The following INTS2 variants were observed in gnomAD, a reference collection of about 807,000 sequenced individuals.
The protein encoded by INTS2 is KIAA1287.
INTS2 carries 57 observed loss-of-function variants against 139.6 expected under a neutral mutation model. The observed-to-expected ratio is 0.41, with a 90% CI of 0.33 to 0.51. The LOEUF (loss-of-function observed/expected upper bound fraction) is 0.51, where lower values mean the gene tolerates loss of function less well. Ranked by LOEUF, INTS2 falls within the 20% of genes least tolerant of loss-of-function variation. INTS2 has a pLI of 0.28. For synonymous variants in INTS2, 473 were observed against 493.4 expected, an observed-to-expected ratio of 0.96 and a Z score of 0.55; for missense variants, 1,196 against 1,436.7, an observed-to-expected ratio of 0.83 and a Z score of 2.71.
At chr17:61,879,576 CA>C (rs1379239724) in intron 17 of INTS2, among the ~76,000 whole-genome samples, 1 of 152,112 alleles carries the variant, frequency 6.6e-6, no homozygotes, top group Middle Eastern at 3.2e-3. Context: ...GCAGGCCAGG[CA>C]CGGTGGTTCA....
Position 61,874,998 on chromosome 17 carries a change from T to G in INTS2, c.2497A>C (p.Lys833Gln). Residue 833 changes from lysine to glutamine, a missense_variant, in exon 19 of 25, where the codon AAG (lysine) becomes CAG (glutamine). Around this residue, in one of 3 missense-constraint regions of INTS2, gnomAD observed 1,129 missense variants for 1,341.9 expected, o/e 0.84. Transcript: ENST00000251334. ...MTVNALQPSIKFVRQQKYTQN... is the reference protein window; with the variant it reads ...MTVNALQPSIQFVRQQKYTQN... ...GTATACTTTTGTTGTCGTACAAACT[T>G]TATTGAAGGCTGAAGTGCATTAACC... is the stretch of plus-strand genomic sequence containing the variant. 4 of 1,598,088 alleles carry G rather than the reference T, an allele frequency of 2.5e-6. No homozygotes were observed. The highest frequency in any genetic ancestry group is 3.4e-6 in the Non-Finnish European group (4 of 1,171,208).
At chr17:61,921,159 G>C (rs1022583472) in intron 4 of INTS2, 2 of 152,112 alleles carry the variant, frequency 1.3e-5, no homozygotes, top group African/African-American at 4.8e-5. Context: ...AAGGTACGAA[G>C]AAGAAAATTA....
At chr17:61,923,310 T>C (rs1175632889) in intron 3 of INTS2, among the ~76,000 whole-genome samples, 4 of 151,036 alleles carry the variant, frequency 2.6e-5, no homozygotes, top group African/African-American at 9.7e-5. Context: ...ACCCCGTCTC[T>C]ACTAAAAATA....
rs540147708 is a variant in INTS2 at position 61,905,754 on chromosome 17, A to G, written c.1182-1169T>C. ...CTCTTATTGCCCAGGCCGGACTGCA[A>G]TGGTGCAATCTTAGCTCACCGCAAC... On this transcript the variant is annotated intron_variant, in intron 8 of 24. Coordinates refer to ENST00000251334, the MANE Select transcript of INTS2 (RefSeq NM_001351695.2). Among the ~76,000 whole-genome samples, 7 of 152,028 alleles carry G rather than the reference A, an allele frequency of 4.6e-5. No individual in the cohort carries two copies. The South Asian group carries it at 1.5e-3, about 32-fold the overall frequency.
At chr17:61,886,653 G>A (rs1021551050) in intron 15 of INTS2, among the ~76,000 whole-genome samples, 1 of 152,172 alleles carries the variant, frequency 6.6e-6, no homozygotes, top group Non-Finnish European at 1.5e-5. Context: ...ATCTTTCTCT[G>A]TCTCATCTCT....
At position 61,925,108 on chromosome 17, in the gene INTS2, G is replaced by GTA; in HGVS notation, c.294-11_294-10dup. Reference sequence around the variant, plus strand: ...CTCCTCCAAGTTTATGCCTAATGAAGTACAAAACATGTAACAATTATGAAA... The same window carrying GTA: ...CTCCTCCAAGTTTATGCCTAATGAAGTATACAAAACATGTAACAATTATGAAA... On this transcript the variant is annotated splice_polypyrimidine_tract_variant and intron_variant, in intron 2 of 24. Transcript: ENST00000251334. The GTA allele has an allele frequency of 6.2e-7, 1 of 1,610,512 alleles. No homozygotes were observed. The highest frequency in any genetic ancestry group is 8.5e-7 in the Non-Finnish European group (1 of 1,177,366).
chr17:61,923,647 A>G (rs376846168), intron 3 of INTS2, among the ~76,000 whole-genome samples: 110 of 152,182 alleles, frequency 7.2e-4, no homozygotes, highest in African/African-American at 2.4e-3. Flanking sequence ...CAGTAAATAA[A>G]CATAAAGATC....
In INTS2 at chr17:61,891,504, C is replaced by T. The variant is rs748760035; in HGVS notation, c.1875+9G>A. The T allele has an allele frequency of 1.5e-5, 24 of 1,596,406 alleles. No individual in the cohort carries two copies. Among genetic ancestry groups the T allele is most frequent in the Non-Finnish European group, 2.1e-5 (24 of 1,168,806 alleles). ...TAAGTTAATAGATATAAAAGAACCA[C>T]TATTTTACCCCAATGACTCCTTGGA... On this transcript the variant is annotated intron_variant, in intron 14 of 24. Transcript: ENST00000251334.
chr17:61,878,912 G>A (rs2079149500), intron 17 of INTS2, among the ~76,000 whole-genome samples: 1 of 123,704 alleles, frequency 8.1e-6, no homozygotes, highest in South Asian at 2.7e-4. Flanking sequence ...CCTTGAGACT[G>A]GGCAACAGAC....
chr17:61,880,045 C>A (rs1220477474), intron 17 of INTS2, among the ~76,000 whole-genome samples: 2 of 151,876 alleles, frequency 1.3e-5, no homozygotes, highest in Non-Finnish European at 2.9e-5. Flanking sequence ...TATTCCACTG[C>A]ACATATTTCT....
At chr17:61,880,801 AG>A (rs1567892597) in intron 17 of INTS2, among the ~76,000 whole-genome samples, 1 of 122,118 alleles carries the variant, frequency 8.2e-6, no homozygotes, top group Non-Finnish European at 1.7e-5. Flanking sequence ...AAGGAGTAAA[AG>A]GGGAAAGGGG....
intron 15 of INTS2, among the ~76,000 whole-genome samples, chr17:61,888,838 C>T (rs935907410): frequency 1.3e-5 from 2 of 152,046 alleles, no homozygotes; most frequent in African/African-American, 4.8e-5. Flanking sequence ...TCCTGGCTAA[C>T]ATGGTGAAAC....
At chr17:61,921,588 T>A (rs2079641640) in intron 4 of INTS2, 137 bp downstream of exon 4, 2 of 440,308 alleles carry the variant, frequency 4.5e-6, no homozygotes, top group African/African-American at 2.0e-5. Context: ...CAACTATTAG[T>A]CACTTTTGAC....
At chr17:61,910,932 A>G (rs1456742997) in intron 7 of INTS2, 1 of 152,176 alleles carries the variant, frequency 6.6e-6, no homozygotes, top group Non-Finnish European at 1.5e-5. Context: ...CAGTTTCCAA[A>G]GGCTTCTACC....
rs576514574 is a variant in INTS2 at position 61,875,817 on chromosome 17, T to G, written c.2457-779A>C. On this transcript the variant is annotated intron_variant, in intron 18 of 24. Coordinates refer to ENST00000251334, the MANE Select transcript of INTS2 (RefSeq NM_001351695.2). This position sits in a 1 kb window ranked among gnomAD's most constrained non-coding sequence, Gnocchi z 4.6. ...CTAAAAGAATAAAGTATTTTATACA[T>G]GAAACAAGAACAAGAGGCATTTAAG... Among the ~76,000 whole-genome samples, 1 of 152,118 alleles carries G rather than the reference T, an allele frequency of 6.6e-6. No individual in the cohort carries two copies. The highest frequency in any genetic ancestry group is 2.1e-4 in the South Asian group (1 of 4,830).
chr17:61,879,406 C>T (rs749824568), intron 17 of INTS2, among the ~76,000 whole-genome samples: 11 of 152,052 alleles, frequency 7.2e-5, no homozygotes, highest in Non-Finnish European at 1.2e-4. Flanking sequence ...AACAACTAAC[C>T]ACATCTGGCT....
intron 8 of INTS2, among the ~76,000 whole-genome samples, chr17:61,906,963 CAAAAAAAAA>C (rs34773307): frequency 2.5e-5 from 2 of 80,206 alleles, no homozygotes; most frequent in African/African-American, 9.3e-5. Flanking sequence ...GATTCCATCT[CAAAAAAAAA>C]AAAAAAAAAA....
At chr17:61,885,790 G>A (rs1378157783) in intron 15 of INTS2, among the ~76,000 whole-genome samples, 3 of 142,206 alleles carry the variant, frequency 2.1e-5, no homozygotes, top group Non-Finnish European at 4.5e-5. Context: ...GTGCAGTGGC[G>A]CGATCTTGGC....
Position 61,873,283 on chromosome 17 carries a change from G to A in INTS2, c.2583-823C>T, listed in dbSNP as rs774727446. ...ACACAACTGTAATCCCAGCTACTCAGGAGGCTGAGGCAAGAGGATTGCTTA... is the reference window on the plus strand; with the variant it reads ...ACACAACTGTAATCCCAGCTACTCAAGAGGCTGAGGCAAGAGGATTGCTTA... On this transcript the variant is annotated intron_variant, in intron 19 of 24. Transcript: ENST00000251334. This position sits in a 1 kb window ranked among gnomAD's most constrained non-coding sequence, Gnocchi z 4.0. 1.3e-5 allele frequency among the ~76,000 whole-genome samples: 2 copies of A among 152,116 alleles called. No homozygotes were observed. Among genetic ancestry groups the A allele is most frequent in the Non-Finnish European group, 2.9e-5 (2 of 68,030 alleles).
Sources: gnomAD v4.1 joint callset for allele counts (sites outside exome capture counted in the v4.1 genomes callset) on GRCh38, gnomAD v4.1.1 for gene constraint, gnomAD v4.1.1 regional missense constraint, Gnocchi (gnomAD v3.1) non-coding constraint, MANE v1.5 for transcripts, NCBI Gene and HGNC (gene_info 2026-07-23, HGNC 2026-07-21) for gene names.